Variants in CNOT2 observed in about 807,000 individuals in gnomAD.
The protein encoded by CNOT2 is CC chemokine receptor 4-negative regulator of transcription 2.
Under a neutral mutation model 72.1 loss-of-function variants are expected in CNOT2, and 7 were observed. The ratio of observed to expected loss-of-function variants is 0.10; its 90% CI spans 0.06 to 0.18. The LOEUF is 0.18. CNOT2 is among the 10% of genes least tolerant of loss of function. CNOT2 has a pLI of 1.00. For missense variants in CNOT2, 345 were observed against 660.3 expected (o/e 0.52, Z 5.23); for synonymous variants, 196 against 225.6 (o/e 0.87, Z 1.17).
chr12:70,287,506 T>C (rs1446036402), intron 2 of CNOT2, among the ~76,000 whole-genome samples: 1 of 149,788 alleles, frequency 6.7e-6, no homozygotes, highest in Admixed American at 6.8e-5. Context: ...AATTCCATTT[T>C]GGTTCAAGAA....
At chr12:70,350,790 C>T (rs1331808920) in intron 15 of CNOT2, among the ~76,000 whole-genome samples, 4 of 152,160 alleles carry the variant, frequency 2.6e-5, no homozygotes, top group Non-Finnish European at 5.9e-5. Context: ...AATCCAAACA[C>T]TTCTGTTCCC....
chr12:70,347,056 T>A (rs1882269831), intron 15 of CNOT2, among the ~76,000 whole-genome samples: 1 of 149,696 alleles, frequency 6.7e-6, no homozygotes, highest in African/African-American at 2.4e-5. Context: ...ATTATCTGAT[T>A]TCACAACTCC....
chr12:70,303,229 A>G (rs1380500682), intron 2 of CNOT2, among the ~76,000 whole-genome samples: 13 of 152,016 alleles, frequency 8.6e-5, no homozygotes, highest in Non-Finnish European at 1.8e-4. Context: ...TAAGGTTAGT[A>G]TTGTTATGTG....
chr12:70,274,098 G>C (rs1158502742), intron 1 of CNOT2, among the ~76,000 whole-genome samples: 1 of 152,048 alleles, frequency 6.6e-6, no homozygotes, highest in African/African-American at 2.4e-5. Context: ...CCCAGACCAG[G>C]TATGGTATTC....
chr12:70,352,855 C>T (rs1204212262), intron 15 of CNOT2, among the ~76,000 whole-genome samples: 1 of 152,054 alleles, frequency 6.6e-6, no homozygotes, highest in African/African-American at 2.4e-5. Flanking sequence ...TTTTAAAACT[C>T]ATGAAGTTAA....
intron 6 of CNOT2, chr12:70,331,773 G>A (rs1246634704): frequency 6.6e-6 from 1 of 151,602 alleles, no homozygotes; most frequent in Non-Finnish European, 1.5e-5. Context: ...TTTCACTATA[G>A]GTTTATAGAT....
intron 1 of CNOT2, among the ~76,000 whole-genome samples, chr12:70,245,690 A>G (rs1008413434): frequency 6.6e-6 from 1 of 152,140 alleles, no homozygotes; most frequent in African/African-American, 2.4e-5. Context: ...CTGCTCTTGA[A>G]GATAAAACTC....
chr12:70,305,685 G>T (rs192899963), intron 2 of CNOT2, among the ~76,000 whole-genome samples: 1 of 152,064 alleles, frequency 6.6e-6, no homozygotes, highest in East Asian at 1.9e-4. Context: ...TTTGTGTTGG[G>T]TTCTAAGATA....
chr12:70,338,834 C>G lies in CNOT2; in HGVS notation c.1178+12C>G, dbSNP rs773013676. 31 of 1,609,406 alleles carry G rather than the reference C, an allele frequency of 1.9e-5. No individual in the cohort carries two copies. Among genetic ancestry groups the G allele is most frequent in the African/African-American group, 1.5e-4 (11 of 74,574 alleles). ...CTGAACTCTCCTGAGTAAGTTTTTTCTGTTTTTCCATGTCTGTATATAATA... is the reference window on the plus strand; with the variant it reads ...CTGAACTCTCCTGAGTAAGTTTTTTGTGTTTTTCCATGTCTGTATATAATA... On this transcript the variant is annotated intron_variant, in intron 11 of 15. Coordinates refer to ENST00000229195, the MANE Select transcript of CNOT2 (RefSeq NM_014515.7).
Position 70,330,406 on chromosome 12 carries a change from G to C in CNOT2, c.506G>C (p.Ser169Thr). Residue 169 changes from serine to threonine, a missense_variant, in exon 6 of 16, where the codon AGC (serine) becomes ACC (threonine). Transcript: ENST00000229195. Reference sequence around the variant, plus strand: ...TCAGGGTTAGGTAGCCCCAACAGAAGCTCGCCAAGCATAATATGTATGCCA... The same window carrying C: ...TCAGGGTTAGGTAGCCCCAACAGAACCTCGCCAAGCATAATATGTATGCCA... ...SSSGLGSPNR[S>T]SPSIICMPKQ... is the part of the protein sequence containing the mutation. 1 of 1,612,670 alleles carries C rather than the reference G, an allele frequency of 6.2e-7. No homozygotes were observed. The highest frequency in any genetic ancestry group is 8.5e-7 in the Non-Finnish European group (1 of 1,179,120).
chr12:70,272,803 C>T (rs927636225), intron 1 of CNOT2, among the ~76,000 whole-genome samples: 1 of 152,180 alleles, frequency 6.6e-6, no homozygotes, highest in African/African-American at 2.4e-5. Context: ...ACCTGTAACA[C>T]TTCCTCCCAT....
At chr12:70,295,048 G>A (rs1872597111) in intron 2 of CNOT2, among the ~76,000 whole-genome samples, 1 of 152,054 alleles carries the variant, frequency 6.6e-6, no homozygotes, top group African/African-American at 2.4e-5. Context: ...ATTTAATTTT[G>A]TAGGGATGTA....
At chr12:70,351,470 T>A (rs1372420595) in intron 15 of CNOT2, among the ~76,000 whole-genome samples, 1 of 152,176 alleles carries the variant, frequency 6.6e-6, no homozygotes, top group Non-Finnish European at 1.5e-5. Context: ...AAGGCAAAAT[T>A]TTACCTATGT....
At chr12:70,275,416 A>T (rs1317973643) in intron 1 of CNOT2, among the ~76,000 whole-genome samples, 3 of 152,186 alleles carry the variant, frequency 2.0e-5, no homozygotes, top group Non-Finnish European at 2.9e-5. Context: ...TATTTAAAAA[A>T]TTTAGTTCCA....
chr12:70,298,026 A>G (rs943159016), intron 2 of CNOT2: 2 of 158,504 alleles, frequency 1.3e-5, no homozygotes, highest in Non-Finnish European at 2.8e-5. Context: ...GGCGTGAACC[A>G]CTGCACCTGG....
intron 2 of CNOT2, among the ~76,000 whole-genome samples, chr12:70,303,638 A>T (rs148510608): frequency 6.6e-6 from 1 of 152,020 alleles, no homozygotes; most frequent in Non-Finnish European, 1.5e-5. Context: ...TTCTCTCTGG[A>T]TGCCCTTAAC....
chr12:70,262,450 A>AT (rs1361317249), intron 1 of CNOT2, among the ~76,000 whole-genome samples: 1 of 151,020 alleles, frequency 6.6e-6, no homozygotes, highest in Non-Finnish European at 1.5e-5. Context: ...ATTTTTTTGT[A>AT]TTTTTTAGTG....
chr12:70,250,992 G>A (rs939717099), intron 1 of CNOT2, among the ~76,000 whole-genome samples: 5 of 152,156 alleles, frequency 3.3e-5, no homozygotes, highest in African/African-American at 1.2e-4. Flanking sequence ...TTCTACATCA[G>A]ATGAATTGCA....
intron 13 of CNOT2, 99 bp downstream of exon 13, chr12:70,342,406 A>G (rs1260548429): frequency 3.0e-6 from 4 of 1,346,478 alleles, no homozygotes; most frequent in African/African-American, 1.5e-5. Context: ...ATAATTAGTA[A>G]TGGTCTCAGG....
Sources: gnomAD v4.1 joint callset for allele counts (sites outside exome capture counted in the v4.1 genomes callset) on GRCh38, gnomAD v4.1.1 for gene constraint, MANE v1.5 for transcripts, NCBI Gene and HGNC (gene_info 2026-07-23, HGNC 2026-07-21) for gene names.